The following ATRNL1 variants were observed in gnomAD, a reference collection of about 807,000 sequenced individuals.
ATRNL1 encodes attractin like 1, also known as attractin-like protein 1.
Under a neutral mutation model 182.7 loss-of-function variants are expected in ATRNL1, and 95 were observed. That is an observed-to-expected ratio of 0.52 (90% CI 0.44 to 0.62). ATRNL1 has a LOEUF of 0.62. Among genes scored for constraint, ATRNL1 ranks in the 20% least tolerant of loss-of-function variants. ATRNL1 has a pLI of 0.00. For synonymous variants in ATRNL1, 576 were observed against 568.3 expected (o/e 1.01, Z -0.19); for missense variants, 1,471 against 1,679.5 (o/e 0.88, Z 2.17).
intron 21 of ATRNL1, among the ~76,000 whole-genome samples, chr10:115,442,140 A>G (rs568181920): frequency 1.4e-4 from 21 of 152,030 alleles, no homozygotes; most frequent in African/African-American, 4.1e-4. Flanking sequence ...GAGATCTTTC[A>G]TGGTTTTCCA....
intron 26 of ATRNL1, among the ~76,000 whole-genome samples, chr10:115,602,252 G>A (rs1565204936): frequency 1.3e-5 from 2 of 152,126 alleles, no homozygotes; most frequent in Admixed American, 6.5e-5. Context: ...TACTTGGGAG[G>A]CTGAGGCAGG....
At chr10:115,866,722 T>A (rs1951447806) in intron 28 of ATRNL1, among the ~76,000 whole-genome samples, 1 of 152,164 alleles carries the variant, frequency 6.6e-6, no homozygotes, top group Non-Finnish European at 1.5e-5. Flanking sequence ...ATGTTAAGCT[T>A]ATATTTAATC....
At chr10:115,426,328 T>G (rs782671491) in intron 21 of ATRNL1, 26 bp downstream of exon 21, 16 of 1,531,302 alleles carry the variant, frequency 1.0e-5, no homozygotes, top group Non-Finnish European at 1.4e-5. Context: ...TTCTTCATTT[T>G]AAATAATTGG....
At chr10:115,492,772 T>G (rs1849368162) in intron 24 of ATRNL1, among the ~76,000 whole-genome samples, 1 of 150,894 alleles carries the variant, frequency 6.6e-6, no homozygotes, top group South Asian at 2.1e-4. Flanking sequence ...GCCTCCTGAG[T>G]ATCTGGGACT....
At chr10:115,779,712 C>T (rs1209445581) in intron 27 of ATRNL1, among the ~76,000 whole-genome samples, 5 of 152,142 alleles carry the variant, frequency 3.3e-5, no homozygotes, top group African/African-American at 1.2e-4. Context: ...AAATAGATTA[C>T]ACTGAATAGA....
chr10:115,351,451 T>A (rs995600734), intron 19 of ATRNL1, among the ~76,000 whole-genome samples: 6 of 152,124 alleles, frequency 3.9e-5, no homozygotes, highest in South Asian at 2.1e-4. Context: ...AGTTTTTTTT[T>A]AAATCATTAA....
chr10:115,293,733 A>G (rs1176230164), intron 15 of ATRNL1, among the ~76,000 whole-genome samples: 1 of 152,128 alleles, frequency 6.6e-6, no homozygotes, highest in Non-Finnish European at 1.5e-5. Context: ...TCTGGGTATA[A>G]TATTTGTGGT....
rs1267476615 is a variant in ATRNL1 at position 115,096,741 on chromosome 10, A to G, written c.293+2698A>G. ...AATGCAGAAGCAAATATAGTATCAA[A>G]AGTGGTACTTCAGTTCTCTTAGCAT... On this transcript the variant is annotated intron_variant, in intron 1 of 28. Transcript: ENST00000355044. 4.7e-6 allele frequency: 6 copies of G among 1,282,988 alleles called. No homozygotes were observed. In the African/African-American group the frequency reaches 9.2e-5, roughly 20 times the overall value. The allele number at this position is 1,282,988 out of a possible 1,614,324, so 79.5% of individuals were successfully genotyped here.
intron 26 of ATRNL1, among the ~76,000 whole-genome samples, chr10:115,641,423 A>G (rs11197369): frequency 0.34 from 50,985 of 152,032 alleles, 10,806 homozygotes; most frequent in Non-Finnish European, 0.48. Context: ...AAGAAGTCAC[A>G]CATTGCCCTA....
At chr10:115,507,673 T>C (rs548340726) in intron 24 of ATRNL1, among the ~76,000 whole-genome samples, 4 of 152,232 alleles carry the variant, frequency 2.6e-5, no homozygotes, top group Admixed American at 6.6e-5. Flanking sequence ...AGTCAGTTAA[T>C]GTACGAAAAG....
At chr10:115,200,240 ATTATAC>A (rs1425159238) in intron 8 of ATRNL1, among the ~76,000 whole-genome samples, 2 of 150,246 alleles carry the variant, frequency 1.3e-5, no homozygotes, top group East Asian at 1.9e-4. Context: ...TTTTTTTTTA[ATTATAC>A]TTTAAGTTTT....
Position 115,738,208 on chromosome 10 carries a change from G to T in ATRNL1, c.3903+10853G>T, listed in dbSNP as rs529522852. Among the ~76,000 whole-genome samples the T allele has an allele frequency of 2.3e-5, 3 of 130,320 alleles. No individual in the cohort carries two copies. In the East Asian group the frequency reaches 7.3e-4, roughly 32 times the overall value. 85.5% of individuals were successfully genotyped at this position (130,320 alleles called of 152,430 possible). On this transcript the variant is annotated intron_variant, in intron 27 of 28. Coordinates refer to ENST00000355044, the MANE Select transcript of ATRNL1 (RefSeq NM_207303.4). ...GGCTGGAGTGCACTGGCACGATCTC[G>T]GCTCACTGCAACCTCTGCCTCCCAG...
intron 27 of ATRNL1, among the ~76,000 whole-genome samples, chr10:115,733,895 CATAA>C (rs1454575106): frequency 2.0e-5 from 3 of 151,912 alleles, no homozygotes; most frequent in Non-Finnish European, 4.4e-5. Context: ...TCCCATTACC[CATAA>C]ATATTCAGTG....
chr10:115,943,838 A>G (rs1174826480), intron 28 of ATRNL1, among the ~76,000 whole-genome samples: 1 of 152,212 alleles, frequency 6.6e-6, no homozygotes, highest in Non-Finnish European at 1.5e-5. Flanking sequence ...AATGGAATAT[A>G]ATTCAGCAAT....
rs531149110 is a variant in ATRNL1, at chr10:115,575,753, A to G, written c.3795+26217A>G. ...GTAAGCTCTTACCTTTTTTTGTGGT[A>G]AGAGCACCTGAAATCTACTCTCTTA... On this transcript the variant is annotated intron_variant, in intron 26 of 28. Transcript: ENST00000355044. 2.0e-5 allele frequency among the ~76,000 whole-genome samples: 3 copies of G among 152,110 alleles called. No individual in the cohort carries two copies. In the South Asian group the frequency reaches 6.2e-4, roughly 32 times the overall value.
At chr10:115,821,327 G>A (rs10885817) in intron 27 of ATRNL1, among the ~76,000 whole-genome samples, 73,766 of 152,000 alleles carry the variant, frequency 0.49, 19,083 homozygotes, top group East Asian at 0.76. Flanking sequence ...TATTTTGCCC[G>A]TTAGTTGATG....
At chr10:115,561,279 T>C (rs1853690242) in intron 26 of ATRNL1, among the ~76,000 whole-genome samples, 1 of 152,180 alleles carries the variant, frequency 6.6e-6, no homozygotes, top group African/African-American at 2.4e-5. Context: ...TGCAAAGGAC[T>C]CTTCCAAGTC....
intron 24 of ATRNL1, among the ~76,000 whole-genome samples, chr10:115,489,112 T>G (rs978988698): frequency 2.6e-5 from 4 of 152,206 alleles, no homozygotes; most frequent in Non-Finnish European, 4.4e-5. Flanking sequence ...TTTCCGTTCT[T>G]TTGCATTTGC....
At chr10:115,561,704 G>GGT (rs71010029) in intron 26 of ATRNL1, among the ~76,000 whole-genome samples, 37,404 of 144,818 alleles carry the variant, frequency 0.26, 5,823 homozygotes, top group East Asian at 0.52. Context: ...TGTGTGTGTG[G>GGT]GTGTGTGTGT....
Sources: allele counts gnomAD v4.1 joint callset (sites outside exome capture counted in the v4.1 genomes callset), GRCh38; gene constraint gnomAD v4.1.1; transcripts MANE v1.5; gene names NCBI Gene and HGNC (gene_info 2026-07-23, HGNC 2026-07-21).